Variants in MGST3 observed in about 807,000 individuals in gnomAD.
MGST3 encodes microsomal glutathione S-transferase 3.
A neutral mutation model predicts 15.8 loss-of-function variants in MGST3; 13 were observed. The observed-to-expected ratio is 0.82, with a 90% CI of 0.54 to 1.31. MGST3 has a LOEUF of 1.31. MGST3 is among the 50% of genes most tolerant of loss of function. MGST3 has a pLI of 0.00. For missense variants in MGST3, 155 were observed against 192.4 expected, an observed-to-expected ratio of 0.81 and a Z score of 1.15; for synonymous variants, 49 against 68.1, an observed-to-expected ratio of 0.72 and a Z score of 1.38.
intron 1 of MGST3, among the ~76,000 whole-genome samples, chr1:165,639,771 C>T (rs966071375): frequency 6.6e-6 from 1 of 152,168 alleles, no homozygotes; most frequent in Admixed American, 6.5e-5. Flanking sequence ...CCCCTACACT[C>T]CAGCCTTGGT....
chr1:165,642,535 A>G (rs1321976511), intron 1 of MGST3, among the ~76,000 whole-genome samples: 2 of 152,254 alleles, frequency 1.3e-5, no homozygotes, highest in African/African-American at 2.4e-5. Flanking sequence ...ATTCATTATC[A>G]TTTAGCCAAA....
intron 1 of MGST3, chr1:165,637,027 C>T (rs549728140): frequency 6.6e-6 from 1 of 152,242 alleles, no homozygotes; most frequent in African/African-American, 2.4e-5. Flanking sequence ...CAGACTAGCC[C>T]TTTATGTGAC....
At chr1:165,632,061 T>G (rs1224921258) in intron 1 of MGST3, 3 of 590,254 alleles carry the variant, frequency 5.1e-6, no homozygotes, top group Admixed American at 2.8e-5. Flanking sequence ...CCTTAGTGAG[T>G]CATTCCCCGA....
At chr1:165,652,661 C>T (rs889555280) in intron 4 of MGST3, among the ~76,000 whole-genome samples, 5 of 152,232 alleles carry the variant, frequency 3.3e-5, no homozygotes, top group Middle Eastern at 6.8e-3. Flanking sequence ...AGGTGCTGCA[C>T]GAGTTTCCCC....
chr1:165,651,475 T>A, intron 3 of MGST3: 1 of 348,016 alleles, frequency 2.9e-6, no homozygotes, highest in South Asian at 2.5e-5. Context: ...GAGGTCCTTT[T>A]ACTCAGCATG....
intron 4 of MGST3, chr1:165,653,866 C>T (rs190404275): frequency 5.3e-4 from 158 of 295,500 alleles, no homozygotes; most frequent in African/African-American, 3.2e-3. Flanking sequence ...CAGTCAATCT[C>T]ATGCTCAGAG....
intron 1 of MGST3, chr1:165,647,881 G>C (rs1264115495): frequency 1.3e-5 from 2 of 152,142 alleles, no homozygotes; most frequent in African/African-American, 2.4e-5. Flanking sequence ...TGTGGCCCAG[G>C]CTGCCTGGCC....
At chr1:165,653,306 T>A (rs1648615597) in intron 4 of MGST3, among the ~76,000 whole-genome samples, 1 of 152,160 alleles carries the variant, frequency 6.6e-6, no homozygotes, top group African/African-American at 2.4e-5. Context: ...TCCTTATGGG[T>A]AGTTCTGAAA....
intron 1 of MGST3, chr1:165,647,866 C>T (rs539129455): frequency 1.7e-3 from 265 of 152,190 alleles, no homozygotes; most frequent in Middle Eastern, 0.01. Flanking sequence ...ATGAGAGTCT[C>T]CCTGTGTGGC....
chr1:165,634,770 T>C (rs1032010349), intron 1 of MGST3, among the ~76,000 whole-genome samples: 25 of 24,760 alleles, frequency 1.0e-3, no homozygotes, highest in African/African-American at 2.4e-3. Context: ...CCTCCCTCTC[T>C]CTCCCTCCCT....
chr1:165,635,167 C>T (rs1648073769), intron 1 of MGST3, among the ~76,000 whole-genome samples: 1 of 152,002 alleles, frequency 6.6e-6, no homozygotes, highest in African/African-American at 2.4e-5. Context: ...GGGATCACAT[C>T]TCTTGGGAAG....
intron 1 of MGST3, among the ~76,000 whole-genome samples, chr1:165,635,567 G>A (rs562506499): frequency 6.6e-6 from 1 of 152,214 alleles, no homozygotes; most frequent in Non-Finnish European, 1.5e-5. Flanking sequence ...CTCCCAGCCA[G>A]TGCAGCCATG....
intron 1 of MGST3, among the ~76,000 whole-genome samples, chr1:165,636,218 T>C (rs988458540): frequency 1.3e-5 from 2 of 152,088 alleles, no homozygotes; most frequent in African/African-American, 4.8e-5. Context: ...GTGTGTGTTG[T>C]CATTTTGAGG....
chr1:165,647,197 C>T (rs1648427722), intron 1 of MGST3: 1 of 152,150 alleles, frequency 6.6e-6, no homozygotes, highest in Non-Finnish European at 1.5e-5. Flanking sequence ...TGCAAATGCC[C>T]ATCAAGTTTA....
At chr1:165,654,493 C>A in intron 5 of MGST3, 142 bp downstream of exon 5, 1 of 758,496 alleles carries the variant, frequency 1.3e-6, no homozygotes, top group South Asian at 1.4e-5. Context: ...GAGTTGGATA[C>A]CAGCCTGGGC....
chr1:165,652,126 A>G, intron 4 of MGST3, 91 bp downstream of exon 4: 1 of 928,534 alleles, frequency 1.1e-6, no homozygotes, highest in East Asian at 2.4e-5. Context: ...TTTAATGAAT[A>G]TCTTCAGTGT....
chr1:165,654,058 T>G lies in MGST3; in HGVS notation c.250-221T>G, dbSNP rs932232419. 3 of 540,836 alleles carry G rather than the reference T, an allele frequency of 5.5e-6. No homozygotes were observed. The African/African-American group carries it at 5.7e-5, about 10-fold the overall frequency. 33.5% of individuals were successfully genotyped at this position (540,836 alleles called of 1,614,324 possible). A position where few individuals can be genotyped will look rare whatever the true frequency, so the allele number is the denominator to read the frequency against. On this transcript the variant is annotated intron_variant, in intron 4 of 5. Coordinates refer to ENST00000367889, the MANE Select transcript of MGST3 (RefSeq NM_004528.4). ...CACCTGTCTAGGAGAAGGCCAATAC[T>G]CATCTCCCAGGTCCACAAGCCAAGC... is the stretch of plus-strand genomic sequence containing the variant.
chr1:165,636,949 G>C (rs2101714635), intron 1 of MGST3: 1 of 152,276 alleles, frequency 6.6e-6, no homozygotes, highest in East Asian at 1.9e-4. Flanking sequence ...TGGACCCTCA[G>C]CACCACCTCA....
chr1:165,643,732 G>T (rs1018231200), intron 1 of MGST3, among the ~76,000 whole-genome samples: 8 of 151,712 alleles, frequency 5.3e-5, no homozygotes, highest in Non-Finnish European at 1.2e-4. Context: ...GCCGGGTGTT[G>T]TGGCGGGCGC....
Sources: gnomAD v4.1 joint callset for allele counts (sites outside exome capture counted in the v4.1 genomes callset) on GRCh38, gnomAD v4.1.1 for gene constraint, MANE v1.5 for transcripts, NCBI Gene and HGNC (gene_info 2026-07-23, HGNC 2026-07-21) for gene names.